Variants in ARMH3 observed in about 807,000 individuals in gnomAD.
ARMH3 encodes the protein armadillo like helical domain containing 3, also known as armadillo-like helical domain-containing protein 3.
ARMH3 carries 60 observed loss-of-function variants against 99.1 expected under a neutral mutation model. The observed-to-expected ratio is 0.61, with a 90% CI of 0.49 to 0.75. The LOEUF is 0.75. Ranked by LOEUF, ARMH3 falls within the 30% of genes least tolerant of loss-of-function variation. ARMH3 has a pLI of 0.00. For missense variants in ARMH3, 679 were observed against 843.1 expected, an observed-to-expected ratio of 0.81 and a Z score of 2.41; for synonymous variants, 285 against 292.8, an observed-to-expected ratio of 0.97 and a Z score of 0.27.
chr10:101,967,599 T>G (rs1180778788), intron 20 of ARMH3, among the ~76,000 whole-genome samples: 1 of 152,092 alleles, frequency 6.6e-6, no homozygotes, highest in Non-Finnish European at 1.5e-5. Context: ...TAGCCAGGCA[T>G]GGTGGTGTGC....
At chr10:101,898,378 G>A (rs1482958413) in intron 23 of ARMH3, among the ~76,000 whole-genome samples, 1 of 151,582 alleles carries the variant, frequency 6.6e-6, no homozygotes, top group Non-Finnish European at 1.5e-5. Flanking sequence ...AAAAAAAGAA[G>A]AAGAAAAAGA....
chr10:101,868,832 G>A (rs1473453891), intron 24 of ARMH3, among the ~76,000 whole-genome samples: 3 of 152,186 alleles, frequency 2.0e-5, no homozygotes, highest in Admixed American at 2.0e-4. Flanking sequence ...AGCACTTTGG[G>A]AGGCCAAGGC....
chr10:101,927,638 T>C (rs1205459977), intron 23 of ARMH3, among the ~76,000 whole-genome samples: 3 of 152,182 alleles, frequency 2.0e-5, no homozygotes, highest in African/African-American at 7.2e-5. Flanking sequence ...GCATAATTCA[T>C]TAAGAAAGAG....
chr10:101,987,185 T>C (rs1846550678), intron 19 of ARMH3, among the ~76,000 whole-genome samples: 2 of 152,110 alleles, frequency 1.3e-5, no homozygotes. Flanking sequence ...AAGCTTTTTT[T>C]CTACTCTCTT....
At chr10:101,933,916 C>T (rs1045938705) in intron 23 of ARMH3, among the ~76,000 whole-genome samples, 2 of 152,192 alleles carry the variant, frequency 1.3e-5, no homozygotes, top group African/African-American at 4.8e-5. Context: ...AGCTGAAGTG[C>T]CTGGACATGA....
chr10:101,989,637 C>T (rs1272871822), intron 19 of ARMH3, among the ~76,000 whole-genome samples: 1 of 152,200 alleles, frequency 6.6e-6, no homozygotes, highest in Non-Finnish European at 1.5e-5. Flanking sequence ...AGAAGAATCA[C>T]TTGAACCTGG....
At chr10:102,023,041 G>C (rs1321060759) in intron 8 of ARMH3, among the ~76,000 whole-genome samples, 1 of 152,074 alleles carries the variant, frequency 6.6e-6, no homozygotes. Flanking sequence ...TACAAAATTA[G>C]CAGGGCATGA....
intron 23 of ARMH3, among the ~76,000 whole-genome samples, chr10:101,924,416 C>T (rs1202444406): frequency 1.3e-5 from 2 of 149,344 alleles, no homozygotes; most frequent in Non-Finnish European, 3.0e-5. Context: ...GGCTAGAGTG[C>T]AGTGGCGTGA....
intron 5 of ARMH3, chr10:102,029,395 TA>T: frequency 7.0e-7 from 1 of 1,430,828 alleles, no homozygotes; most frequent in Non-Finnish European, 9.3e-7. Context: ...ATACGAGTAA[TA>T]AAATAAACTA....
chr10:101,976,620 A>C (rs139851367), intron 19 of ARMH3, among the ~76,000 whole-genome samples: 3 of 152,220 alleles, frequency 2.0e-5, no homozygotes, highest in Non-Finnish European at 4.4e-5. Context: ...TGGAATGCAA[A>C]AACACAAAAG....
chr10:101,910,185 C>T (rs1303322941), intron 23 of ARMH3, among the ~76,000 whole-genome samples: 4 of 152,130 alleles, frequency 2.6e-5, no homozygotes, highest in African/African-American at 9.7e-5. Context: ...TGTCTCTAAC[C>T]ATCTGCTGCT....
At chr10:101,903,200 T>C (rs2068022403) in intron 23 of ARMH3, among the ~76,000 whole-genome samples, 1 of 152,240 alleles carries the variant, frequency 6.6e-6, no homozygotes, top group Admixed American at 6.5e-5. Flanking sequence ...TTGACTGCTT[T>C]CTCATATAGT....
chr10:101,895,076 A>G (rs911581192), intron 23 of ARMH3, among the ~76,000 whole-genome samples: 3 of 152,178 alleles, frequency 2.0e-5, no homozygotes, highest in African/African-American at 7.2e-5. Context: ...AAACATAGCC[A>G]TTATGAAAAG....
intron 19 of ARMH3, among the ~76,000 whole-genome samples, chr10:101,979,173 A>C (rs1360304840): frequency 6.6e-6 from 1 of 152,080 alleles, no homozygotes; most frequent in Non-Finnish European, 1.5e-5. Flanking sequence ...TGTCCACACA[A>C]AAACTGGTAT....
At chr10:102,041,090 A>ATATATATATATATAATAT in intron 1 of ARMH3, among the ~76,000 whole-genome samples, 1 of 132,640 alleles carries the variant, frequency 7.5e-6, no homozygotes, top group East Asian at 2.1e-4. Context: ...ATATATATAT[A>ATATATATATATATAATAT]ATATATATAT....
intron 25 of ARMH3, among the ~76,000 whole-genome samples, chr10:101,848,923 C>T (rs1220370629): frequency 2.0e-5 from 3 of 152,194 alleles, no homozygotes; most frequent in Non-Finnish European, 4.4e-5. Flanking sequence ...AGCATGTCTT[C>T]CTGACCCTGT....
intron 19 of ARMH3, among the ~76,000 whole-genome samples, chr10:101,978,877 T>C (rs12569597): frequency 0.21 from 31,712 of 151,650 alleles, 3,670 homozygotes; most frequent in East Asian, 0.52. Flanking sequence ...GAGGTCGAAG[T>C]TGCAGTGAGC....
chr10:102,045,583 A>T (rs958629801), intron 1 of ARMH3, among the ~76,000 whole-genome samples: 3 of 152,222 alleles, frequency 2.0e-5, no homozygotes, highest in Admixed American at 6.5e-5. Context: ...CACCGTGCCT[A>T]AACAGAGCAT....
At chr10:101,912,209 A>T (rs972770648) in intron 23 of ARMH3, among the ~76,000 whole-genome samples, 1 of 151,962 alleles carries the variant, frequency 6.6e-6, no homozygotes, top group Non-Finnish European at 1.5e-5. Flanking sequence ...TCTGGCCAAT[A>T]TGGTGAAACC....
Sources: allele counts gnomAD v4.1 joint callset (sites outside exome capture counted in the v4.1 genomes callset), GRCh38; gene constraint gnomAD v4.1.1; transcripts MANE v1.5; gene names NCBI Gene and HGNC (gene_info 2026-07-23, HGNC 2026-07-21).